Variants in NME9 observed in about 807,000 individuals in gnomAD.
NME9 encodes the protein thioredoxin domain-containing protein 6.
A neutral mutation model predicts 44.4 loss-of-function variants in NME9; 48 were observed. The ratio of observed to expected loss-of-function variants is 1.08; its 90% CI spans 0.86 to 1.37. NME9 has a LOEUF of 1.37. Among genes scored for constraint, NME9 ranks in the 40% most tolerant of loss-of-function variants. The pLI is 0.00. For synonymous variants in NME9, 139 were observed against 147.1 expected (o/e 0.94, Z 0.40); for missense variants, 325 against 405.2 (o/e 0.80, Z 1.70).
At chr3:138,296,570 G>A (rs1191111048), downstream of NME9, 1 of 152,008 alleles carries the variant, frequency 6.6e-6, no homozygotes, top group Admixed American at 6.6e-5. Context: ...AGAAAAAGTT[G>A]GCTATAGTTG....
In NME9 at chr3:138,262,374, C is replaced by A. The variant is rs1001611556; in HGVS notation, c.*166G>T. On this transcript the variant is annotated 3_prime_UTR_variant, in exon 9 of 9. Transcript: ENST00000317876. ...AACTAAAACACCAGATAAAAATTACCATTCCTAATCTACAGCTAAAATGTG... is the reference window on the plus strand; with the variant it reads ...AACTAAAACACCAGATAAAAATTACAATTCCTAATCTACAGCTAAAATGTG... 17 of 759,786 alleles carry A rather than the reference C, an allele frequency of 2.2e-5. No homozygotes were observed. In the African/African-American group the frequency reaches 2.4e-4, roughly 11 times the overall value. 47.1% of individuals were successfully genotyped at this position (759,786 alleles called of 1,614,324 possible). A position where few individuals can be genotyped will look rare whatever the true frequency, so the allele number is the denominator to read the frequency against.
At chr3:138,297,441 G>A (rs1450572631), downstream of NME9, 4 of 152,274 alleles carry the variant, frequency 2.6e-5, no homozygotes, top group East Asian at 1.9e-4. Flanking sequence ...AGAAGCTTGC[G>A]GTGAGTGTGT....
At chr3:138,321,452 C>T (rs745842733) in intron 2 of NME9, among the ~76,000 whole-genome samples, 1 of 152,230 alleles carries the variant, frequency 6.6e-6, no homozygotes, top group Non-Finnish European at 1.5e-5. Flanking sequence ...TCATGAAGGG[C>T]ACTACTCCCC....
At chr3:138,290,685 C>A in intron 8 of NME9, 1 of 1,336,818 alleles carries the variant, frequency 7.5e-7, no homozygotes, top group Non-Finnish European at 1.1e-6. Flanking sequence ...GTGTTGGATT[C>A]TTTCGTGAAA....
chr3:138,302,773 T>C (rs190252262), intron 10 of NME9, among the ~76,000 whole-genome samples: 9 of 152,384 alleles, frequency 5.9e-5, no homozygotes, highest in Non-Finnish European at 1.0e-4. Flanking sequence ...CAGATGTGAA[T>C]GTGACCTCCC....
intron 8 of NME9, among the ~76,000 whole-genome samples, chr3:138,283,589 T>A (rs2050135833): frequency 6.6e-6 from 1 of 152,236 alleles, no homozygotes; most frequent in South Asian, 2.1e-4. Flanking sequence ...CCCATAATAG[T>A]TACTTAGTAA....
At chr3:138,303,396 G>A (rs920477337) in intron 10 of NME9, 111 bp downstream of exon 10, 1 of 776,402 alleles carries the variant, frequency 1.3e-6, no homozygotes. Context: ...ACTGTATTAG[G>A]TTGAAGACTT....
intron 6 of NME9, among the ~76,000 whole-genome samples, chr3:138,313,123 G>A (rs1192890498): frequency 2.0e-5 from 3 of 152,218 alleles, no homozygotes; most frequent in Non-Finnish European, 4.4e-5. Context: ...AGGTGTGGTG[G>A]CTCACGCCTG....
chr3:138,327,565 AC>A (rs2053873579), intron 1 of NME9, among the ~76,000 whole-genome samples: 1 of 152,158 alleles, frequency 6.6e-6, no homozygotes, highest in African/African-American at 2.4e-5. Context: ...AATGTGTGGC[AC>A]CTTTTACCCA....
At chr3:138,274,605 A>T in intron 8 of NME9, 1 of 1,250,270 alleles carries the variant, frequency 8.0e-7, no homozygotes, top group Non-Finnish European at 1.2e-6. Flanking sequence ...GAAGTTCTTA[A>T]GAGTCTCCTG....
chr3:138,273,263 A>C (rs2048952651), intron 8 of NME9: 1 of 868,054 alleles, frequency 1.2e-6, no homozygotes, highest in Admixed American at 2.9e-5. Context: ...GTTGATGTCT[A>C]AACCTGTCAC....
chr3:138,291,222 A>G (rs1338564544), intron 8 of NME9, among the ~76,000 whole-genome samples: 2 of 152,222 alleles, frequency 1.3e-5, no homozygotes, highest in Non-Finnish European at 2.9e-5. Context: ...ATCAGGGAAC[A>G]TCAGTACTTT....
At chr3:138,295,247 C>G (rs906168519) in intron 8 of NME9, among the ~76,000 whole-genome samples, 1 of 152,066 alleles carries the variant, frequency 6.6e-6, no homozygotes, top group Admixed American at 6.6e-5. Flanking sequence ...CCCCCATCAC[C>G]GTAACAACAC....
chr3:138,305,480 T>C (rs1046406302), intron 8 of NME9, among the ~76,000 whole-genome samples: 17 of 152,158 alleles, frequency 1.1e-4, no homozygotes, highest in Non-Finnish European at 2.2e-4. Context: ...GAACAGCCCT[T>C]ACCCATTTCA....
rs1301228782 is a variant in NME9 at position 138,301,524 on chromosome 3, CAA to C, written c.*114_*115del. The C allele has an allele frequency of 4.1e-6, 6 of 1,475,562 alleles. No homozygotes were observed. The East Asian group carries it at 1.2e-4, about 31-fold the overall frequency. The allele number at this position is 1,475,562 out of a possible 1,614,324, so 91.4% of individuals were successfully genotyped here. Reference sequence around the variant, plus strand: ...CCAGCCATATTATTTTCATTGTCTACAAAAGACAGCTAAACCAAAAAGTATTG... The same window carrying C: ...CCAGCCATATTATTTTCATTGTCTACAAGACAGCTAAACCAAAAAGTATTG... On this transcript the variant is annotated 3_prime_UTR_variant, in exon 11 of 11. Coordinates refer to ENST00000333911, the MANE Select transcript of NME9 (RefSeq NM_001349018.2).
At chr3:138,293,158 C>A (rs2051136625) in intron 8 of NME9, among the ~76,000 whole-genome samples, 1 of 152,160 alleles carries the variant, frequency 6.6e-6, no homozygotes, top group African/African-American at 2.4e-5. Flanking sequence ...TTAACTAACT[C>A]CTCTGAAGTA....
Position 138,288,740 on chromosome 3 carries a change from C to T in NME9, c.745+14767G>A, listed in dbSNP as rs151295263. Among the ~76,000 whole-genome samples, 1,400 of 151,024 alleles carry T rather than the reference C, an allele frequency of 9.3e-3. 25 individuals are homozygous for T. Among genetic ancestry groups the T allele is most frequent in the African/African-American group, 0.033 (1,360 of 41,088 alleles). ...GCAACCTCTGCCTCCCAGGTTCAGG[C>T]GATTCTCCTGCCTCAGCCTCCCTAG... On this transcript the variant is annotated intron_variant, in intron 8 of 8. Coordinates refer to the NME9 transcript ENST00000317876.
At chr3:138,278,763 G>T (rs988586420) in intron 8 of NME9, among the ~76,000 whole-genome samples, 1 of 151,908 alleles carries the variant, frequency 6.6e-6, no homozygotes, top group Admixed American at 6.6e-5. Flanking sequence ...TGATATATAG[G>T]TCTTGCACTC....
chr3:138,303,561 C>T lies in NME9; in HGVS notation c.874G>A (p.Ala292Thr). ...AATTTCAAACTGGGGAAGAGCAATGCCAGTTCTCTGTCAGCATCTTCTCTG... is the reference window on the plus strand; with the variant it reads ...AATTTCAAACTGGGGAAGAGCAATGTCAGTTCTCTGTCAGCATCTTCTCTG... ...RDREDADREL[A>T]LLFPSLKFSD... Residue 292 changes from alanine to threonine, a missense_variant, in exon 10 of 11, where the codon GCA (alanine) becomes ACA (threonine). Physicochemically the swap from Ala to Thr is moderately conservative, Grantham distance 58. Coordinates refer to ENST00000333911, the MANE Select transcript of NME9 (RefSeq NM_001349018.2). The T allele has an allele frequency of 6.2e-7, 1 of 1,613,424 alleles. No homozygotes were observed. Among genetic ancestry groups the T allele is most frequent in the Non-Finnish European group, 8.5e-7 (1 of 1,179,326 alleles).
Sources: allele counts gnomAD v4.1 joint callset (sites outside exome capture counted in the v4.1 genomes callset), GRCh38; gene constraint gnomAD v4.1.1; transcripts MANE v1.5; gene names NCBI Gene and HGNC (gene_info 2026-07-23, HGNC 2026-07-21).